Variants in TENM4 observed in about 807,000 individuals in gnomAD.
TENM4 encodes the protein teneurin-4.
A neutral mutation model predicts 243.3 loss-of-function variants in TENM4; 82 were observed. The ratio of observed to expected loss-of-function variants is 0.34; its 90% CI spans 0.28 to 0.40. TENM4 has a LOEUF of 0.40. Among genes scored for constraint, TENM4 ranks in the 10% least tolerant of loss-of-function variants. The pLI is 1.00. For missense variants in TENM4, 3,138 were observed against 3,673.3 expected (o/e 0.85, Z 3.77); for synonymous variants, 1,412 against 1,456.3 (o/e 0.97, Z 0.69).
intron 1 of TENM4, among the ~76,000 whole-genome samples, chr11:79,385,989 T>C (rs529608709): frequency 6.6e-6 from 1 of 152,336 alleles, no homozygotes; most frequent in South Asian, 2.1e-4. Context: ...CTTTCATCCT[T>C]AGATTGTTCC....
At chr11:79,088,129 T>C (rs1860856781) in intron 4 of TENM4, among the ~76,000 whole-genome samples, 1 of 152,238 alleles carries the variant, frequency 6.6e-6, no homozygotes, top group South Asian at 2.1e-4. Flanking sequence ...TCGGTTCTGC[T>C]TTTATGGGTC....
intron 3 of TENM4, among the ~76,000 whole-genome samples, chr11:79,158,480 G>C (rs1469691573): frequency 6.6e-6 from 1 of 152,170 alleles, no homozygotes; most frequent in African/African-American, 2.4e-5. Context: ...GTAAATCAGA[G>C]TTAATAGCAC....
intron 1 of TENM4, among the ~76,000 whole-genome samples, chr11:79,388,578 C>T (rs544478014): frequency 6.6e-6 from 1 of 152,306 alleles, no homozygotes; most frequent in South Asian, 2.1e-4. Context: ...AGAGTGGGGC[C>T]TCGTGCACAC....
intron 3 of TENM4, among the ~76,000 whole-genome samples, chr11:79,203,207 C>T (rs1170022515): frequency 6.6e-6 from 1 of 151,886 alleles, no homozygotes; most frequent in East Asian, 1.9e-4. Flanking sequence ...CTCTAGAAAA[C>T]ATTCTGGAAG....
chr11:78,684,543 C>A (rs1056434073), intron 29 of TENM4, among the ~76,000 whole-genome samples: 3 of 150,136 alleles, frequency 2.0e-5, no homozygotes, highest in Admixed American at 6.6e-5. Flanking sequence ...CACATACACA[C>A]AGACACACAC....
chr11:79,286,742 G>A (rs1856261375), intron 2 of TENM4, among the ~76,000 whole-genome samples: 1 of 152,114 alleles, frequency 6.6e-6, no homozygotes, highest in Admixed American at 6.5e-5. Flanking sequence ...GATTACATAA[G>A]CAGATATGAA....
intron 16 of TENM4, among the ~76,000 whole-genome samples, chr11:78,782,130 G>A (rs1254603645): frequency 6.6e-6 from 1 of 152,190 alleles, no homozygotes; most frequent in Non-Finnish European, 1.5e-5. Context: ...AGGATTTTCT[G>A]ATTATGAAAA....
At chr11:78,959,743 C>A (rs1209950953) in intron 6 of TENM4, among the ~76,000 whole-genome samples, 1 of 152,188 alleles carries the variant, frequency 6.6e-6, no homozygotes, top group Admixed American at 6.5e-5. Flanking sequence ...CAGCTGCAGG[C>A]TAAAGTCCCC....
chr11:79,286,431 T>G (rs1027159565), intron 2 of TENM4, among the ~76,000 whole-genome samples: 4 of 148,928 alleles, frequency 2.7e-5, no homozygotes, highest in African/African-American at 1.0e-4. Flanking sequence ...GTGGGGGGGA[T>G]CACCTGAGGT....
At chr11:79,061,757 A>G (rs1366046585) in intron 6 of TENM4, among the ~76,000 whole-genome samples, 1 of 152,164 alleles carries the variant, frequency 6.6e-6, no homozygotes. Context: ...AAGAGTAAAG[A>G]TTTTAGAGTC....
intron 1 of TENM4, among the ~76,000 whole-genome samples, chr11:79,348,579 A>C (rs1472844120): frequency 6.6e-6 from 1 of 152,156 alleles, no homozygotes; most frequent in African/African-American, 2.4e-5. Flanking sequence ...AATTAGGGTT[A>C]GATTAGGTCA....
chr11:78,908,096 T>A (rs1038956702), intron 6 of TENM4, among the ~76,000 whole-genome samples: 3 of 152,148 alleles, frequency 2.0e-5, no homozygotes, highest in African/African-American at 7.2e-5. Context: ...CACCGAAACC[T>A]CCTGGCTGCA....
intron 4 of TENM4, among the ~76,000 whole-genome samples, chr11:79,148,244 G>T (rs1358955138): frequency 2.0e-5 from 3 of 152,108 alleles, no homozygotes; most frequent in Non-Finnish European, 4.4e-5. Context: ...GGGACATGCT[G>T]TTTACATTCA....
chr11:79,000,997 C>T (rs1008014061), intron 6 of TENM4, among the ~76,000 whole-genome samples: 3 of 152,210 alleles, frequency 2.0e-5, no homozygotes, highest in African/African-American at 7.2e-5. Flanking sequence ...CACCACTGCA[C>T]TTCAGCCTGG....
At chr11:79,025,693 G>A (rs1025677048) in intron 6 of TENM4, among the ~76,000 whole-genome samples, 2 of 152,180 alleles carry the variant, frequency 1.3e-5, no homozygotes, top group African/African-American at 2.4e-5. Flanking sequence ...TCCCCAGTGT[G>A]GGCATTTGCT....
chr11:78,688,837 AT>A (rs2135724938), intron 28 of TENM4, among the ~76,000 whole-genome samples: 1 of 152,294 alleles, frequency 6.6e-6, no homozygotes, highest in Admixed American at 6.5e-5. Flanking sequence ...GGCACTAAGC[AT>A]TTTTGTAACT....
At chr11:78,732,690 T>TAAGAAA in intron 20 of TENM4, 113 bp from the exon 21 acceptor site, 1 of 1,254,844 alleles carries the variant, frequency 8.0e-7, no homozygotes, top group South Asian at 1.8e-5. Context: ...GTCTCAGCAT[T>TAAGAAA]TCTTGAGGGA....
At chr11:78,864,578 T>A (rs879621258) in intron 9 of TENM4, among the ~76,000 whole-genome samples, 5 of 151,910 alleles carry the variant, frequency 3.3e-5, no homozygotes, top group Non-Finnish European at 7.4e-5. Context: ...TTGAGAAGGC[T>A]GGGAAGTTCA....
chr11:78,839,291 A>C (rs931913963), intron 12 of TENM4, among the ~76,000 whole-genome samples: 1 of 152,204 alleles, frequency 6.6e-6, no homozygotes, highest in African/African-American at 2.4e-5. Context: ...GGAACATGTT[A>C]TAGTTCCTAA....
Sources: gnomAD v4.1 joint callset for allele counts (sites outside exome capture counted in the v4.1 genomes callset) on GRCh38, gnomAD v4.1.1 for gene constraint, MANE v1.5 for transcripts, NCBI Gene and HGNC (gene_info 2026-07-23, HGNC 2026-07-21) for gene names.